Variants in CDH12 observed in about 807,000 individuals in gnomAD.
CDH12 encodes the protein cadherin 12.
CDH12 carries 41 observed loss-of-function variants against 74.1 expected under a neutral mutation model. The ratio of observed to expected loss-of-function variants is 0.55; its 90% CI spans 0.43 to 0.72. The LOEUF (loss-of-function observed/expected upper bound fraction) is 0.72. Ranked by LOEUF, CDH12 falls within the 30% of genes least tolerant of loss-of-function variation. The pLI is 0.00. For synonymous variants in CDH12, 399 were observed against 355.0 expected (o/e 1.12, Z -1.39); for missense variants, 945 against 977.2 (o/e 0.97, Z 0.44).
intron 2 of CDH12, among the ~76,000 whole-genome samples, chr5:22,474,906 A>G (rs1019424428): frequency 1.3e-5 from 2 of 152,156 alleles, no homozygotes; most frequent in East Asian, 3.9e-4. Flanking sequence ...AATGAACCAA[A>G]CTAACAAATT....
chr5:21,788,813 C>T (rs1220553322), intron 10 of CDH12, among the ~76,000 whole-genome samples: 1 of 152,024 alleles, frequency 6.6e-6, no homozygotes, highest in Non-Finnish European at 1.5e-5. Flanking sequence ...TTCATACAGT[C>T]ATCAGTTTTT....
chr5:21,796,271 C>T (rs1746774688), intron 10 of CDH12, among the ~76,000 whole-genome samples: 1 of 152,036 alleles, frequency 6.6e-6, no homozygotes, highest in African/African-American at 2.4e-5. Flanking sequence ...TACCTTAAAC[C>T]TGTTTGAGCA....
chr5:22,063,274 A>G lies in CDH12; in HGVS notation c.231+15172T>C, dbSNP rs566008133. 3.3e-5 allele frequency among the ~76,000 whole-genome samples: 5 copies of G among 152,200 alleles called. No homozygotes were observed. In the South Asian group the frequency reaches 6.2e-4, roughly 19 times the overall value. On this transcript the variant is annotated intron_variant, in intron 5 of 14. Coordinates refer to ENST00000382254, the MANE Select transcript of CDH12 (RefSeq NM_004061.5). ...TATTGCCACTGCCTTGACCTCATAT[A>G]TGTATTTATAAAAGCATATGTTCTT...
At chr5:22,686,802 T>C (rs1362258205) in intron 1 of CDH12, among the ~76,000 whole-genome samples, 1 of 152,220 alleles carries the variant, frequency 6.6e-6, no homozygotes, top group African/African-American at 2.4e-5. Context: ...GCACTTTAGC[T>C]CTTAACAGAT....
At chr5:22,344,117 G>T (rs1038855176) in intron 3 of CDH12, among the ~76,000 whole-genome samples, 1 of 152,174 alleles carries the variant, frequency 6.6e-6, no homozygotes, top group African/African-American at 2.4e-5. Context: ...ATGGGGAAAA[G>T]AGTCTAGAGG....
At chr5:21,989,380 T>C (rs1490260861) in intron 5 of CDH12, among the ~76,000 whole-genome samples, 1 of 152,210 alleles carries the variant, frequency 6.6e-6, no homozygotes, top group East Asian at 1.9e-4. Context: ...TCTTTTGCTT[T>C]TAAACCAGTT....
chr5:21,855,682 A>C (rs1750721115), intron 6 of CDH12, among the ~76,000 whole-genome samples: 1 of 151,552 alleles, frequency 6.6e-6, no homozygotes, highest in Non-Finnish European at 1.5e-5. Context: ...ACACGTGTAC[A>C]TCCAAAGTTA....
At chr5:22,468,869 C>G (rs1319383534) in intron 2 of CDH12, among the ~76,000 whole-genome samples, 2 of 152,116 alleles carry the variant, frequency 1.3e-5, no homozygotes, top group Non-Finnish European at 2.9e-5. Flanking sequence ...TTTATAATGT[C>G]TAACATATTG....
At chr5:22,216,895 A>T (rs1268042035) in intron 3 of CDH12, among the ~76,000 whole-genome samples, 1 of 151,858 alleles carries the variant, frequency 6.6e-6, no homozygotes, top group Non-Finnish European at 1.5e-5. Flanking sequence ...TTCATTGGAA[A>T]ATTTGAGGAA....
intron 2 of CDH12, among the ~76,000 whole-genome samples, chr5:22,467,332 C>T (rs1745778435): frequency 6.6e-6 from 1 of 152,122 alleles, no homozygotes; most frequent in Non-Finnish European, 1.5e-5. Flanking sequence ...GTCAAGAATC[C>T]CCCCATCTGA....
At chr5:22,317,901 A>G (rs1738701245) in intron 3 of CDH12, among the ~76,000 whole-genome samples, 1 of 152,176 alleles carries the variant, frequency 6.6e-6, no homozygotes, top group South Asian at 2.1e-4. Context: ...TGCAATCTGT[A>G]TTTTTGGCCT....
At chr5:22,841,959 G>C (rs1011571260) in intron 1 of CDH12, among the ~76,000 whole-genome samples, 6 of 152,198 alleles carry the variant, frequency 3.9e-5, no homozygotes, top group East Asian at 3.9e-4. Context: ...ACATGGTTCC[G>C]CATGCATCCC....
At chr5:21,982,119 C>T (rs1314207016) in intron 5 of CDH12, among the ~76,000 whole-genome samples, 4 of 152,130 alleles carry the variant, frequency 2.6e-5, no homozygotes, top group African/African-American at 9.7e-5. Flanking sequence ...AATCGGTAGG[C>T]TGAATAAAAT....
intron 1 of CDH12, among the ~76,000 whole-genome samples, chr5:22,687,164 T>C (rs1223500998): frequency 6.6e-6 from 1 of 151,956 alleles, no homozygotes; most frequent in Non-Finnish European, 1.5e-5. Context: ...CATGATGGCC[T>C]GTGCCTGTAA....
At chr5:22,576,318 T>G (rs981968997) in intron 1 of CDH12, among the ~76,000 whole-genome samples, 7 of 151,994 alleles carry the variant, frequency 4.6e-5, no homozygotes, top group African/African-American at 1.4e-4. Flanking sequence ...TGCACATACT[T>G]CCCAAACCCT....
At chr5:22,227,116 C>G (rs1752219735) in intron 3 of CDH12, among the ~76,000 whole-genome samples, 1 of 152,014 alleles carries the variant, frequency 6.6e-6, no homozygotes, top group African/African-American at 2.4e-5. Context: ...TTCATCAGGA[C>G]TAGGGAAATT....
At chr5:21,977,631 G>C (rs1757126720) in intron 5 of CDH12, among the ~76,000 whole-genome samples, 1 of 152,070 alleles carries the variant, frequency 6.6e-6, no homozygotes, top group Non-Finnish European at 1.5e-5. Flanking sequence ...AATCATAACT[G>C]TTTCCTTTGC....
chr5:22,319,280 G>T (rs1327025544), intron 3 of CDH12, among the ~76,000 whole-genome samples: 1 of 152,162 alleles, frequency 6.6e-6, no homozygotes. Flanking sequence ...GAAGAATAGA[G>T]TGCAGCAGAA....
At chr5:21,765,550 A>G (rs1194748857) in intron 11 of CDH12, among the ~76,000 whole-genome samples, 2 of 151,918 alleles carry the variant, frequency 1.3e-5, no homozygotes, top group Non-Finnish European at 2.9e-5. Flanking sequence ...ACAAAAAAAA[A>G]AAAAAAGGGG....
Sources: gnomAD v4.1 joint callset for allele counts (sites outside exome capture counted in the v4.1 genomes callset) on GRCh38, gnomAD v4.1.1 for gene constraint, MANE v1.5 for transcripts, NCBI Gene and HGNC (gene_info 2026-07-23, HGNC 2026-07-21) for gene names.